Variants in CFAP57 observed in about 807,000 individuals in gnomAD.
The protein encoded by CFAP57 is cilia and flagella associated protein 57.
In CFAP57, 116 loss-of-function variants were observed where a neutral mutation model predicts 146.8. The ratio of observed to expected loss-of-function variants is 0.79; its 90% CI spans 0.68 to 0.92. CFAP57 has a LOEUF of 0.92. CFAP57 is among the 40% of genes least tolerant of loss of function. CFAP57 has a pLI of 0.00. For missense variants in CFAP57, 1,377 were observed against 1,527.2 expected (o/e 0.90, Z 1.64); for synonymous variants, 518 against 552.8 (o/e 0.94, Z 0.88).
chr1:43,251,197 GC>G (rs1646316380), intron 22 of CFAP57, among the ~76,000 whole-genome samples: 1 of 152,264 alleles, frequency 6.6e-6, no homozygotes, highest in Admixed American at 6.5e-5. Flanking sequence ...AGGTCCTGGT[GC>G]TTGCAGCATA....
chr1:43,172,954 C>T, intron 2 of CFAP57, 44 bp downstream of exon 2: 1 of 1,532,878 alleles, frequency 6.5e-7, no homozygotes, highest in Non-Finnish European at 9.0e-7. Context: ...TGGTATGTGC[C>T]ACATATAACC....
chr1:43,192,719 G>A (rs977385210), intron 6 of CFAP57, among the ~76,000 whole-genome samples: 2 of 151,372 alleles, frequency 1.3e-5, no homozygotes, highest in Non-Finnish European at 2.9e-5. Flanking sequence ...AAGGTCGAGA[G>A]GTCGAGACCA....
In CFAP57 at chr1:43,180,223, T is replaced by TTATATATATATATATATATA. The variant is rs1289107795; in HGVS notation, c.158-1295_158-1294insTATATATATATATATATATA. Among the ~76,000 whole-genome samples, 320 of 137,266 alleles carry TTATATATATATATATATATA rather than the reference T, an allele frequency of 2.3e-3. 2 individuals are homozygous for TTATATATATATATATATATA. The highest frequency in any genetic ancestry group is 8.4e-3 in the African/African-American group (300 of 35,920). The allele number at this position is 137,266 out of a possible 152,430, so 90.1% of individuals were successfully genotyped here. On this transcript the variant is annotated intron_variant, in intron 2 of 22. Transcript: ENST00000372492. The stretch of plus-strand genomic sequence containing the variant: ...CTCTATCTCAAAAAATATATATATT[T>TTATATATATATATATATATA]TATATATATATATATAAAATATATA...
In CFAP57 at chr1:43,198,466, T is replaced by C; in HGVS notation, c.1263-15T>C. ...TGAGCTAAGCTTACAATTCAGTAAT[T>C]GATCTTTTTCACAGCACCCTGGAAC... On this transcript the variant is annotated splice_polypyrimidine_tract_variant and intron_variant, in intron 7 of 22. Transcript: ENST00000372492. The C allele has an allele frequency of 6.2e-7, 1 of 1,613,576 alleles. No individual in the cohort carries two copies. Among genetic ancestry groups the C allele is most frequent in the Non-Finnish European group, 8.5e-7 (1 of 1,179,864 alleles).
At chr1:43,222,725 TG>T in intron 15 of CFAP57, 98 bp from the exon 16 acceptor site, 1 of 1,370,580 alleles carries the variant, frequency 7.3e-7, no homozygotes, top group Non-Finnish European at 9.7e-7. Flanking sequence ...TTTGACTCCC[TG>T]GGACAGGTCC....
chr1:43,242,274 A>C (rs1645954374), intron 21 of CFAP57, among the ~76,000 whole-genome samples: 1 of 152,166 alleles, frequency 6.6e-6, no homozygotes, highest in African/African-American at 2.4e-5. Flanking sequence ...CCACTCCTCC[A>C]TCACAGCAAG....
intron 3 of CFAP57, among the ~76,000 whole-genome samples, chr1:43,182,450 G>T (rs975770986): frequency 6.6e-6 from 1 of 152,136 alleles, no homozygotes; most frequent in Non-Finnish European, 1.5e-5. Flanking sequence ...CAAGTTCAAC[G>T]ACTCAGTTGT....
At chr1:43,218,921 A>G (rs1023455423) in intron 12 of CFAP57, among the ~76,000 whole-genome samples, 2 of 152,210 alleles carry the variant, frequency 1.3e-5, no homozygotes, top group Admixed American at 6.5e-5. Context: ...AAACCCTACA[A>G]AGATTCTGGT....
In CFAP57 at chr1:43,234,592, T is replaced by C. The variant is rs138627849; in HGVS notation, c.3359T>C (p.Val1120Ala). The C allele has an allele frequency of 6.0e-5, 93 of 1,550,322 alleles. No individual in the cohort carries two copies. The African/African-American group carries it at 1.2e-3, about 19-fold the overall frequency. Residue 1120 changes from valine (V) to alanine (A), a missense_variant, in exon 21 of 23, where the codon GTC (valine) becomes GCC (alanine). Val to Ala is a moderately conservative substitution (Grantham distance 64). Transcript: ENST00000372492. ...RNLATLKKKV[V>A]KEGELHRTDY... ...CTGGCCACTCTCAAGAAGAAGGTGG[T>C]CAAGGAGGGCGAGCTGCACCGCACA...
Position 43,254,031 on chromosome 1 carries a change from A to G in CFAP57, c.3593A>G (p.Glu1198Gly). ...CCCACCGCAAGGTTGAATGAGCAAGAAGAAACTGGGAGGATCATTGAAATG... is the reference window on the plus strand; with the variant it reads ...CCCACCGCAAGGTTGAATGAGCAAGGAGAAACTGGGAGGATCATTGAAATG... ...TAPTARLNEQ[E>G]ETGRIIEMQR... The change falls in exon 23 of 23, where the codon GAA becomes GGA. Residue 1198 changes from glutamate to glycine, a missense_variant. Coordinates refer to ENST00000372492, the MANE Select transcript of CFAP57 (RefSeq NM_001378189.1). 1 of 1,550,606 alleles carries G rather than the reference A, an allele frequency of 6.4e-7. No individual in the cohort carries two copies.
chr1:43,227,824 C>G (rs376761129), intron 18 of CFAP57, among the ~76,000 whole-genome samples: 26 of 152,158 alleles, frequency 1.7e-4, no homozygotes, highest in Non-Finnish European at 2.9e-4. Context: ...TTTTCTCTCC[C>G]CCTTCCTCCA....
chr1:43,245,460 TTGAG>T (rs1646080297), intron 22 of CFAP57, among the ~76,000 whole-genome samples: 1 of 152,030 alleles, frequency 6.6e-6, no homozygotes, highest in Admixed American at 6.6e-5. Context: ...TATACAAAAA[TTGAG>T]AGAGAAGTCT....
intron 22 of CFAP57, among the ~76,000 whole-genome samples, chr1:43,248,276 T>G (rs1557839082): frequency 6.6e-6 from 1 of 151,672 alleles, no homozygotes; most frequent in Non-Finnish European, 1.5e-5. Flanking sequence ...TCCATAACTT[T>G]CTTCACATCT....
chr1:43,237,931 G>A (rs1645765753), intron 21 of CFAP57, among the ~76,000 whole-genome samples: 1 of 152,164 alleles, frequency 6.6e-6, no homozygotes, highest in African/African-American at 2.4e-5. Flanking sequence ...AGACTGGTGG[G>A]GAAAGAGGCA....
Position 43,215,266 on chromosome 1 carries a change from C to T in CFAP57, c.1941C>T (p.Thr647=), listed in dbSNP as rs541310801. Residue 647 remains threonine, a synonymous_variant, in exon 12 of 23, where the codon ACC becomes ACT. Transcript: ENST00000372492. ...CTTTTTCTCTTCAGATGTTGCTTAC[C>T]TTTGATGATCAGTTCCTGCTGACTG... The part of the protein sequence containing the change: ...HAGPITKMLL[T]FDDQFLLTAA... 516 of 1,551,140 alleles carry T rather than the reference C, an allele frequency of 3.3e-4. 2 individuals carry two copies. The highest frequency in any genetic ancestry group is 2.5e-4 in the Non-Finnish European group (287 of 1,147,058).
intron 22 of CFAP57, among the ~76,000 whole-genome samples, chr1:43,252,580 T>A (rs2124699495): frequency 6.6e-6 from 1 of 152,002 alleles, no homozygotes; most frequent in South Asian, 2.1e-4. Flanking sequence ...CAAAAGTCAT[T>A]AAATACTTGA....
intron 9 of CFAP57, chr1:43,206,403 A>G (rs1012134429): frequency 4.3e-5 from 13 of 303,140 alleles, no homozygotes; most frequent in African/African-American, 6.2e-5. Flanking sequence ...CTGTGAATAC[A>G]TAATTATTTC....
chr1:43,173,572 G>A (rs1270001747), intron 2 of CFAP57, among the ~76,000 whole-genome samples: 4 of 152,168 alleles, frequency 2.6e-5, no homozygotes, highest in African/African-American at 9.7e-5. Flanking sequence ...GCTTCTCCCT[G>A]TATTCTGTGT....
At chr1:43,210,038 A>T (rs1219109354) in intron 11 of CFAP57, 122 bp downstream of exon 11, 1 of 1,613,862 alleles carries the variant, frequency 6.2e-7, no homozygotes, top group Non-Finnish European at 8.5e-7. Context: ...TTCATCCATC[A>T]TTCATTGAAT....
Sources: gnomAD v4.1 joint callset for allele counts (sites outside exome capture counted in the v4.1 genomes callset) on GRCh38, gnomAD v4.1.1 for gene constraint, MANE v1.5 for transcripts, NCBI Gene and HGNC (gene_info 2026-07-23, HGNC 2026-07-21) for gene names.